HSCB: variants seen among roughly 807,000 people sequenced by gnomAD.
The protein encoded by HSCB is iron-sulfur cluster co-chaperone protein HscB.
Under a neutral mutation model 31.3 loss-of-function variants are expected in HSCB, and 23 were observed. The observed-to-expected ratio is 0.74, with a 90% CI of 0.53 to 1.04. The LOEUF is 1.04. HSCB is among the 50% of genes least tolerant of loss of function. The pLI is 0.00. For missense variants in HSCB, 297 were observed against 288.1 expected (o/e 1.03, Z -0.22); for synonymous variants, 110 against 104.5 (o/e 1.05, Z -0.32).
chr22:28,751,393 A>G (rs1487016871), intron 5 of HSCB, 105 bp downstream of exon 5: 1 of 611,664 alleles, frequency 1.6e-6, no homozygotes, highest in South Asian at 2.2e-5. Flanking sequence ...TATGATAGCT[A>G]TATAGGGAGA....
chr22:28,744,050 G>C (rs1840306530), intron 2 of HSCB, 72 bp downstream of exon 2: 4 of 1,157,008 alleles, frequency 3.5e-6, no homozygotes, highest in Non-Finnish European at 3.9e-6. Context: ...TTGTGGTTAT[G>C]TGATTATCAG....
In HSCB at chr22:28,745,845, T is replaced by C. The variant is rs1271536380; in HGVS notation, c.424-19T>C. 1.3e-6 allele frequency: 2 copies of C among 1,586,472 alleles called. No homozygotes were observed. Among genetic ancestry groups the C allele is most frequent in the East Asian group, 2.2e-5 (1 of 44,528 alleles). ...CCATAGCTTCTTCAACTTATTTTTC[T>C]TGCTTTCTACCCCAATAGCTAAAGC... On this transcript the variant is annotated intron_variant, in intron 3 of 5. Coordinates refer to ENST00000216027, the MANE Select transcript of HSCB (RefSeq NM_172002.5).
At chr22:28,756,629 T>G (rs972183238) in intron 5 of HSCB, among the ~76,000 whole-genome samples, 20 of 151,916 alleles carry the variant, frequency 1.3e-4, no homozygotes, top group Admixed American at 7.2e-4. Context: ...CCACCATGCC[T>G]GGCTAATTTT....
chr22:28,750,198 G>A (rs1040670374), intron 4 of HSCB, among the ~76,000 whole-genome samples: 15 of 132,110 alleles, frequency 1.1e-4, no homozygotes, highest in Non-Finnish European at 6.1e-5. Flanking sequence ...GCAGTGAGCC[G>A]AGATCGCACC....
intron 4 of HSCB, among the ~76,000 whole-genome samples, chr22:28,749,010 G>A (rs76746451): frequency 3.9e-5 from 6 of 151,902 alleles, no homozygotes; most frequent in Admixed American, 6.6e-5. Flanking sequence ...ATGTGGTGGC[G>A]CATGCCTGTA....
rs35829597 is a variant in HSCB, at chr22:28,746,250, G to A, written c.568+242G>A. The stretch of plus-strand genomic sequence containing the variant: ...ACAAAAATTAGCCGGGCGTGGTGGC[G>A]GGTGCCTGTAGTCCCAGCTACTCGG... On this transcript the variant is annotated intron_variant, in intron 4 of 5. Transcript: ENST00000216027. Among the ~76,000 whole-genome samples, 16,693 of 151,628 alleles carry A rather than the reference G, an allele frequency of 0.11. 1,197 individuals are homozygous for A. The highest frequency in any genetic ancestry group is 0.29 in the South Asian group (1,407 of 4,802).
At position 28,742,087 on chromosome 22, in the gene HSCB, G is replaced by A. The variant is rs975149715; in HGVS notation, c.-9G>A. The A allele has an allele frequency of 1.2e-6, 2 of 1,603,060 alleles. No individual in the cohort carries two copies. The highest frequency in any genetic ancestry group is 1.7e-5 in the Admixed American group (1 of 58,240). On this transcript the variant is annotated 5_prime_UTR_variant, in exon 1 of 6. Coordinates refer to ENST00000216027, the MANE Select transcript of HSCB (RefSeq NM_172002.5). Reference sequence around the variant, plus strand: ...ACGAGTGACCACGGCTAGATAGGCCGCCGGCCAGATGTGGCGGGGGAGAGC... The same window carrying A: ...ACGAGTGACCACGGCTAGATAGGCCACCGGCCAGATGTGGCGGGGGAGAGC...
Position 28,742,389 on chromosome 22 carries a change from T to A in HSCB, c.236+58T>A, listed in dbSNP as rs1260670716. ...GCGAGAGACACGTCGAGGTCTGGCC[T>A]GCGAGAGGGGAGGACGGATCTGGCT... is the stretch of plus-strand genomic sequence containing the variant. On this transcript the variant is annotated intron_variant, in intron 1 of 5. Coordinates refer to ENST00000216027, the MANE Select transcript of HSCB (RefSeq NM_172002.5). 3.1e-6 allele frequency: 5 copies of A among 1,589,276 alleles called. No individual in the cohort carries two copies. In the African/African-American group the frequency reaches 6.7e-5, roughly 21 times the overall value.
chr22:28,755,000 T>G (rs1276091447), intron 5 of HSCB, among the ~76,000 whole-genome samples: 1 of 151,190 alleles, frequency 6.6e-6, no homozygotes, highest in African/African-American at 2.4e-5. Context: ...TTCACCATGT[T>G]GGCCAGGCTG....
At chr22:28,746,776 G>A (rs943042113) in intron 4 of HSCB, among the ~76,000 whole-genome samples, 2 of 152,004 alleles carry the variant, frequency 1.3e-5, no homozygotes, top group Admixed American at 6.6e-5. Flanking sequence ...GTGCATGCCT[G>A]TAATCCCAAC....
chr22:28,744,433 TC>T (rs1385080558), intron 2 of HSCB, among the ~76,000 whole-genome samples, 181 bp from the exon 3 acceptor site: 4 of 152,122 alleles, frequency 2.6e-5, no homozygotes, highest in African/African-American at 9.7e-5. Flanking sequence ...ATGCTTGTAG[TC>T]CCAGCTTCTT....
intron 4 of HSCB, among the ~76,000 whole-genome samples, chr22:28,749,950 G>A (rs1444374617): frequency 6.6e-6 from 1 of 151,900 alleles, no homozygotes; most frequent in Non-Finnish European, 1.5e-5. Context: ...GATAAAGCAC[G>A]TAAAAGCATG....
chr22:28,749,536 C>A (rs561642488), intron 4 of HSCB, among the ~76,000 whole-genome samples: 2 of 152,272 alleles, frequency 1.3e-5, no homozygotes, highest in Admixed American at 6.5e-5. Context: ...GGAAGTTCTG[C>A]AGGAGAAATC....
At chr22:28,750,412 G>A (rs1450816118) in intron 4 of HSCB, among the ~76,000 whole-genome samples, 2 of 152,100 alleles carry the variant, frequency 1.3e-5, no homozygotes, top group Non-Finnish European at 2.9e-5. Context: ...CATAGAGCTA[G>A]TTAATTTTAG....
chr22:28,743,358 T>A (rs2054622517), intron 1 of HSCB, among the ~76,000 whole-genome samples: 1 of 152,188 alleles, frequency 6.6e-6, no homozygotes. Flanking sequence ...TCGAGGATTC[T>A]AGCTAAACTG....
chr22:28,742,464 G>A (rs934265814), intron 1 of HSCB, 133 bp downstream of exon 1: 1 of 1,412,206 alleles, frequency 7.1e-7, no homozygotes, highest in Non-Finnish European at 9.4e-7. Flanking sequence ...TAGAGAGCAG[G>A]CGTGAGAGAA....
At chr22:28,755,272 A>T (rs2030533259) in intron 5 of HSCB, among the ~76,000 whole-genome samples, 1 of 151,636 alleles carries the variant, frequency 6.6e-6, no homozygotes, top group Non-Finnish European at 1.5e-5. Context: ...TAGCCGGGCA[A>T]GGTGGCGGGC....
intron 4 of HSCB, among the ~76,000 whole-genome samples, chr22:28,748,659 C>T (rs899692056): frequency 1.3e-5 from 2 of 151,934 alleles, no homozygotes; most frequent in South Asian, 2.1e-4. Flanking sequence ...ACTACAGGTG[C>T]GTGCCACCAT....
chr22:28,742,035 G>A, upstream of HSCB: 4 of 1,532,664 alleles, frequency 2.6e-6, no homozygotes, highest in Admixed American at 3.9e-5. Context: ...ACATTAGTCT[G>A]GTTAGACGCT....
Sources: allele counts gnomAD v4.1 joint callset (sites outside exome capture counted in the v4.1 genomes callset), GRCh38; gene constraint gnomAD v4.1.1; transcripts MANE v1.5; gene names NCBI Gene and HGNC (gene_info 2026-07-23, HGNC 2026-07-21).